Variants in SNX29 observed in about 807,000 individuals in gnomAD.
SNX29 encodes sorting nexin-29.
A neutral mutation model predicts 102.1 loss-of-function variants in SNX29; 78 were observed. The ratio of observed to expected loss-of-function variants is 0.76; its 90% CI spans 0.64 to 0.92. The LOEUF (loss-of-function observed/expected upper bound fraction) is 0.92, where lower values mean the gene tolerates loss of function less well. Ranked by LOEUF, SNX29 falls within the 40% of genes least tolerant of loss-of-function variation. The pLI, the probability that SNX29 is intolerant of heterozygous loss-of-function variation, is 0.00. For missense variants in SNX29, 1,280 were observed against 1,061.7 expected (o/e 1.21, Z -2.86); for synonymous variants, 580 against 414.5 (o/e 1.40, Z -4.85).
chr16:12,398,154 C>A lies in SNX29; in HGVS notation c.1900-292C>A, dbSNP rs12448282. On this transcript the variant is annotated intron_variant, in intron 16 of 20. Transcript: ENST00000566228. ...TCTCAGATCCTAATTAGGCCTTTAT[C>A]GCTCCAAAATTACATGCTCTTACAT... Among the ~76,000 whole-genome samples the A allele has an allele frequency of 0.15, 23,509 of 152,080 alleles. 1,993 individuals carry two copies. The highest frequency in any genetic ancestry group is 0.24 in the Middle Eastern group (71 of 292).
At chr16:12,389,184 A>G (rs145254226) in intron 16 of SNX29, among the ~76,000 whole-genome samples, 1 of 152,294 alleles carries the variant, frequency 6.6e-6, no homozygotes, top group African/African-American at 2.4e-5. Context: ...TTTCTTTGGC[A>G]TCATCTGGTT....
chr16:12,054,007 G>T (rs181606176), intron 8 of SNX29, among the ~76,000 whole-genome samples: 1 of 149,440 alleles, frequency 6.7e-6, no homozygotes, highest in South Asian at 2.1e-4. Context: ...TTGCTCTGTC[G>T]CCCAGGCTGG....
chr16:12,066,422 G>A (rs1169476424), intron 9 of SNX29, among the ~76,000 whole-genome samples: 4 of 152,160 alleles, frequency 2.6e-5, no homozygotes, highest in Non-Finnish European at 4.4e-5. Flanking sequence ...AGCCTAGTGC[G>A]ACATAAGATG....
intron 20 of SNX29, among the ~76,000 whole-genome samples, chr16:12,543,545 C>T (rs1393623221): frequency 1.3e-5 from 2 of 152,174 alleles, no homozygotes; most frequent in Non-Finnish European, 2.9e-5. Flanking sequence ...GCCCAGACTT[C>T]CACGCCCACT....
chr16:12,388,579 C>T (rs978670711), intron 16 of SNX29, among the ~76,000 whole-genome samples: 29 of 152,344 alleles, frequency 1.9e-4, no homozygotes, highest in Admixed American at 9.2e-4. Flanking sequence ...CATGACTGTG[C>T]GGGTCACGCT....
chr16:12,138,480 T>G (rs1341304358), intron 13 of SNX29, among the ~76,000 whole-genome samples: 3 of 152,084 alleles, frequency 2.0e-5, no homozygotes, highest in African/African-American at 7.2e-5. Flanking sequence ...AGTGCTGGGC[T>G]TATAGGCGTG....
chr16:12,303,053 G>A (rs748764406), intron 15 of SNX29, among the ~76,000 whole-genome samples: 4 of 152,196 alleles, frequency 2.6e-5, no homozygotes, highest in Non-Finnish European at 4.4e-5. Context: ...CTAGATAAAA[G>A]GCAGAAACAA....
At chr16:12,062,137 G>A (rs1429820067) in intron 9 of SNX29, among the ~76,000 whole-genome samples, 5 of 152,186 alleles carry the variant, frequency 3.3e-5, no homozygotes, top group African/African-American at 1.2e-4. Flanking sequence ...CCAGCACTTT[G>A]TGAAGCCGAG....
chr16:12,557,766 A>C (rs935060604), intron 20 of SNX29: 12 of 152,146 alleles, frequency 7.9e-5, no homozygotes, highest in Admixed American at 2.0e-4. Flanking sequence ...TAAGCAACAG[A>C]TATTTTTCAG....
At chr16:12,164,072 A>C (rs1023392177) in intron 13 of SNX29, among the ~76,000 whole-genome samples, 1 of 152,094 alleles carries the variant, frequency 6.6e-6, no homozygotes, top group African/African-American at 2.4e-5. Flanking sequence ...TAGTTGGGGA[A>C]AGCATTTTGG....
intron 14 of SNX29, among the ~76,000 whole-genome samples, chr16:12,276,795 G>C (rs2079265555): frequency 6.6e-6 from 1 of 152,130 alleles, no homozygotes; most frequent in Admixed American, 6.5e-5. Context: ...TTTCCCTGCA[G>C]AGTGGGCATA....
chr16:12,098,079 G>T lies in SNX29; in HGVS notation c.1402+19164G>T, dbSNP rs1007523427. 6.6e-6 allele frequency among the ~76,000 whole-genome samples: 1 copy of T among 152,186 alleles called. No individual in the cohort carries two copies. Among genetic ancestry groups the T allele is most frequent in the Non-Finnish European group, 1.5e-5 (1 of 68,028 alleles). On this transcript the variant is annotated intron_variant, in intron 11 of 20. Transcript: ENST00000566228. This position sits in a 1 kb window ranked among gnomAD's most constrained non-coding sequence, Gnocchi z 6.0. The stretch of plus-strand genomic sequence containing the variant: ...AGGAGGTGAATAGCACTTGCCATGT[G>T]CAGTGCCCGCACACGCTGGGCCCAG...
At chr16:12,565,409 C>T (rs1348892488) in intron 20 of SNX29, among the ~76,000 whole-genome samples, 1 of 149,840 alleles carries the variant, frequency 6.7e-6, no homozygotes, top group Non-Finnish European at 1.5e-5. Flanking sequence ...TCAACTTGTC[C>T]CAAATGAAGC....
chr16:11,999,820 G>A (rs1362919231), intron 2 of SNX29, among the ~76,000 whole-genome samples: 1 of 151,932 alleles, frequency 6.6e-6, no homozygotes, highest in Non-Finnish European at 1.5e-5. Context: ...AGAATTGCTT[G>A]AACCTGGTAG....
At chr16:11,985,447 A>G (rs1290759541) in intron 1 of SNX29, among the ~76,000 whole-genome samples, 3 of 152,208 alleles carry the variant, frequency 2.0e-5, no homozygotes, top group South Asian at 2.1e-4. Context: ...AAGTCTAGAC[A>G]TAGGGCTGGC....
chr16:12,008,521 G>T (rs764870526), intron 3 of SNX29, among the ~76,000 whole-genome samples: 1 of 151,778 alleles, frequency 6.6e-6, no homozygotes, highest in Non-Finnish European at 1.5e-5. Context: ...CTCCCGCCTC[G>T]GCCTCCCAAA....
At chr16:12,555,331 G>C (rs1038287038) in intron 20 of SNX29, among the ~76,000 whole-genome samples, 1 of 151,786 alleles carries the variant, frequency 6.6e-6, no homozygotes, top group Non-Finnish European at 1.5e-5. Context: ...GTGTTTCTTG[G>C]CACCTGAGAA....
At chr16:12,557,104 C>T (rs1231328146) in intron 20 of SNX29, among the ~76,000 whole-genome samples, 1 of 151,362 alleles carries the variant, frequency 6.6e-6, no homozygotes, top group Non-Finnish European at 1.5e-5. Context: ...CTGCCTCAAC[C>T]TCCGAAAGTG....
intron 20 of SNX29, among the ~76,000 whole-genome samples, chr16:12,549,988 A>G (rs2077866699): frequency 1.3e-5 from 2 of 152,254 alleles, no homozygotes; most frequent in Admixed American, 1.3e-4. Context: ...CACTTCATGT[A>G]TAGCTTCTTA....
Sources: gnomAD v4.1 joint callset for allele counts (sites outside exome capture counted in the v4.1 genomes callset) on GRCh38, gnomAD v4.1.1 for gene constraint, Gnocchi (gnomAD v3.1) non-coding constraint, MANE v1.5 for transcripts, NCBI Gene and HGNC (gene_info 2026-07-23, HGNC 2026-07-21) for gene names.